The following BOD1L1 variants were observed in gnomAD, a reference collection of about 807,000 sequenced individuals.
The protein encoded by BOD1L1 is biorientation of chromosomes in cell division 1 like 1.
A neutral mutation model predicts 240.7 loss-of-function variants in BOD1L1; 86 were observed. The observed-to-expected ratio is 0.36, with a 90% CI of 0.30 to 0.43. The LOEUF is 0.43. Among genes scored for constraint, BOD1L1 ranks in the 20% least tolerant of loss-of-function variants. The pLI is 1.00. For missense variants in BOD1L1, 3,554 were observed against 3,643.5 expected (o/e 0.98, Z 0.63); for synonymous variants, 1,268 against 1,272.3 (o/e 1.00, Z 0.07).
rs111943588 is a variant in BOD1L1 at position 13,603,996 on chromosome 4, A to T, written c.2904T>A (p.Thr968=). The T allele has an allele frequency of 3.1e-6, 5 of 1,613,788 alleles. No homozygotes were observed. In the African/African-American group the frequency reaches 4.0e-5, roughly 13 times the overall value. The part of the protein sequence containing the change: ...SKVEDKPFEE[T]GVEPVLETAS... ...CAGTCTCTAATACAGGTTCAACACC[A>T]GTTTCTTCAAAAGGTTTGTCTTCAA... The change falls in exon 10 of 26, where the codon ACT becomes ACA. Residue 968 remains threonine (T), a synonymous_variant. Transcript: ENST00000040738.
rs1368162330 is a variant in BOD1L1, at chr4:13,573,462, ATCTATCTATCTTTCTT to A, written c.9039-3350_9039-3335del. 3.3e-4 allele frequency among the ~76,000 whole-genome samples: 48 copies of A among 144,050 alleles called. 1 individual carries two copies. The highest frequency in any genetic ancestry group is 5.6e-4 in the Non-Finnish European group (37 of 65,606). The allele number at this position is 144,050 out of a possible 152,430, so 94.5% of individuals were successfully genotyped here. A position where few individuals can be genotyped will look rare whatever the true frequency, so the allele number is the denominator to read the frequency against. The stretch of plus-strand genomic sequence containing the variant: ...TGTCTGTCTATCTATCTATCTATCT[ATCTATCTATCTTTCTT>A]TCTTTCTTTCTTTCTTTTGAGAAAG... On this transcript the variant is annotated intron_variant, in intron 25 of 25. Transcript: ENST00000040738.
chr4:13,619,242 G>A (rs546495793), intron 2 of BOD1L1, among the ~76,000 whole-genome samples: 2 of 150,696 alleles, frequency 1.3e-5, no homozygotes, highest in East Asian at 2.0e-4. Flanking sequence ...CCAGGAGATT[G>A]AGGCTGCAGC....
chr4:13,601,704 T>A lies in BOD1L1; in HGVS notation c.5196A>T (p.Ala1732=). The A allele has an allele frequency of 6.2e-7, 1 of 1,614,042 alleles. No individual in the cohort carries two copies. The stretch of plus-strand genomic sequence containing the variant: ...TCACAAAGTTATCACTTCTGCCTTC[T>A]GCTCCTGTACATGTCACAGTGCCCT... The part of the protein sequence containing the change: ...ETEGTVTCTG[A]EGRSDNFVIC... Residue 1732 remains alanine (A), a synonymous_variant, in exon 10 of 26, where the codon GCA becomes GCT. Coordinates refer to ENST00000040738, the MANE Select transcript of BOD1L1 (RefSeq NM_148894.3).
In BOD1L1 at chr4:13,569,940, A is replaced by G; in HGVS notation, c.*71T>C. 1.7e-6 allele frequency: 2 copies of G among 1,157,366 alleles called. No individual in the cohort carries two copies. The highest frequency in any genetic ancestry group is 2.0e-5 in the South Asian group (1 of 50,908). 71.7% of individuals were successfully genotyped at this position (1,157,366 alleles called of 1,614,324 possible). A position where few individuals can be genotyped will look rare whatever the true frequency, so the allele number is the denominator to read the frequency against. On this transcript the variant is annotated 3_prime_UTR_variant, in exon 26 of 26. Coordinates refer to ENST00000040738, the MANE Select transcript of BOD1L1 (RefSeq NM_148894.3). Reference sequence around the variant, plus strand: ...CTTTTTCCTGGTTAAAGAGAAGCCTATGGCCACCAAGGCATGTCTCTTTCC... The same window carrying G: ...CTTTTTCCTGGTTAAAGAGAAGCCTGTGGCCACCAAGGCATGTCTCTTTCC...
At chr4:13,611,919 A>C (rs1456142651) in intron 5 of BOD1L1, among the ~76,000 whole-genome samples, 3 of 152,208 alleles carry the variant, frequency 2.0e-5, no homozygotes, top group African/African-American at 7.2e-5. Flanking sequence ...CAAGGTTTTC[A>C]CTTCCTACCA....
At chr4:13,574,866 C>T (rs943523992) in intron 25 of BOD1L1, among the ~76,000 whole-genome samples, 8 of 151,912 alleles carry the variant, frequency 5.3e-5, no homozygotes, top group African/African-American at 1.9e-4. Flanking sequence ...ATGGCTAATA[C>T]TGTGTTAAGT....
In BOD1L1 at chr4:13,613,694, AT is replaced by A; in HGVS notation, c.1175-34del. 4 of 1,469,528 alleles carry A rather than the reference AT, an allele frequency of 2.7e-6. No individual in the cohort carries two copies. Among genetic ancestry groups the A allele is most frequent in the South Asian group, 1.5e-5 (1 of 68,478 alleles). The allele number at this position is 1,469,528 out of a possible 1,614,324, so 91.0% of individuals were successfully genotyped here. A position where few individuals can be genotyped will look rare whatever the true frequency, so the allele number is the denominator to read the frequency against. ...CGGAAAATAAAACACAGAAAAAAAAATCATCTTATTATAAGAACATACTCAG... is the reference window on the plus strand; with the variant it reads ...CGGAAAATAAAACACAGAAAAAAAAACATCTTATTATAAGAACATACTCAG... On this transcript the variant is annotated intron_variant, in intron 4 of 25. Coordinates refer to ENST00000040738, the MANE Select transcript of BOD1L1 (RefSeq NM_148894.3). The surrounding 1 kb of genome is among the most constrained non-coding windows in gnomAD (Gnocchi z 4.0).
chr4:13,571,523 C>T (rs28675956), intron 25 of BOD1L1, among the ~76,000 whole-genome samples: 1,995 of 152,270 alleles, frequency 0.013, 45 homozygotes, highest in African/African-American at 0.046. Flanking sequence ...GTAAAGGTGC[C>T]GTGCGCAGTA....
intron 8 of BOD1L1, 100 bp downstream of exon 8, chr4:13,608,430 C>T: frequency 1.8e-6 from 2 of 1,125,996 alleles, no homozygotes; most frequent in East Asian, 3.0e-5. Context: ...CAGTAACATA[C>T]ACAACCAAAG....
intron 17 of BOD1L1, 66 bp from the exon 18 acceptor site, chr4:13,582,802 C>T: frequency 9.1e-7 from 1 of 1,101,394 alleles, no homozygotes; most frequent in East Asian, 2.4e-5. Flanking sequence ...TCATCCTCCC[C>T]ACACAAGTTT....
At chr4:13,581,867 A>G (rs1373819460) in intron 19 of BOD1L1, among the ~76,000 whole-genome samples, 1 of 151,974 alleles carries the variant, frequency 6.6e-6, no homozygotes, top group African/African-American at 2.4e-5. Flanking sequence ...TGCTGTTCCT[A>G]TTTCATCCTA....
chr4:13,577,710 T>C, intron 22 of BOD1L1, 79 bp from the exon 23 acceptor site: 1 of 1,055,228 alleles, frequency 9.5e-7, no homozygotes, highest in South Asian at 1.5e-5. Context: ...GGCTTGTCTG[T>C]CAATGTATCA....
chr4:13,622,956 T>G (rs1180828352), intron 1 of BOD1L1, among the ~76,000 whole-genome samples: 1 of 152,198 alleles, frequency 6.6e-6, no homozygotes, highest in Non-Finnish European at 1.5e-5. Flanking sequence ...CTCTTGTCAC[T>G]TTCCCCTTAG....
Position 13,608,530 on chromosome 4 carries a change from C to A in BOD1L1, c.1742G>T (p.Arg581Met). The change falls in exon 8 of 26, where the codon AGG (arginine) becomes ATG (methionine). Residue 581 changes from arginine to methionine, a missense_variant and splice_region_variant. Physicochemically the swap from Arg to Met is moderately conservative, Grantham distance 91 (BLOSUM62 -1). Transcript: ENST00000040738. ...AAACATGACCAGATAAAATATGTAC[C>A]TTGAATCTTTTTTTCTCTTTTTGCT... Reference protein sequence around the residue: ...ALSKKRKKDSRNVEENSKKKQ... With the variant: ...ALSKKRKKDSMNVEENSKKKQ... The A allele has an allele frequency of 6.5e-7, 1 of 1,534,682 alleles. No homozygotes were observed. The highest frequency in any genetic ancestry group is 8.7e-7 in the Non-Finnish European group (1 of 1,144,870).
At chr4:13,609,628 A>G (rs1398493817) in intron 6 of BOD1L1, among the ~76,000 whole-genome samples, 1 of 152,188 alleles carries the variant, frequency 6.6e-6, no homozygotes, top group Non-Finnish European at 1.5e-5. Context: ...AGAATAGAAG[A>G]AACAGATGTG....
intron 7 of BOD1L1, among the ~76,000 whole-genome samples, 190 bp from the exon 8 acceptor site, chr4:13,608,858 AGTGT>A (rs1484403477): frequency 6.6e-6 from 1 of 152,160 alleles, no homozygotes; most frequent in Non-Finnish European, 1.5e-5. Flanking sequence ...TGATCACATA[AGTGT>A]GTGTATGTGT....
intron 2 of BOD1L1, among the ~76,000 whole-genome samples, chr4:13,615,765 C>T (rs895485615): frequency 6.6e-6 from 1 of 152,008 alleles, no homozygotes; most frequent in African/African-American, 2.4e-5. Flanking sequence ...AACAAAACAC[C>T]CTTAGAACTA....
chr4:13,601,307 C>G lies in BOD1L1; in HGVS notation c.5593G>C (p.Glu1865Gln). Reference protein sequence around the residue: ...VTSTGAKEEDEEGEDVVTSTG... With the variant: ...VTSTGAKEEDQEGEDVVTSTG... Reference sequence around the variant, plus strand: ...CTAGTCACAACATCCTCCCCTTCCTCGTCTTCCTCTTTTGCGCCTGTGCTA... The same window carrying G: ...CTAGTCACAACATCCTCCCCTTCCTGGTCTTCCTCTTTTGCGCCTGTGCTA... Residue 1865 changes from glutamate (E) to glutamine (Q), a missense_variant, in exon 10 of 26, where the codon GAG (glutamate) becomes CAG (glutamine). Around this residue, in one of 2 missense-constraint regions of BOD1L1, gnomAD observed 3,393 missense variants for 3,427.1 expected, o/e 0.99. Transcript: ENST00000040738. 1 of 1,614,004 alleles carries G rather than the reference C, an allele frequency of 6.2e-7. No individual in the cohort carries two copies. The highest frequency in any genetic ancestry group is 8.5e-7 in the Non-Finnish European group (1 of 1,179,894).
Position 13,569,969 on chromosome 4 carries a change from C to A in BOD1L1, c.*42G>T. 7.1e-7 allele frequency: 1 copy of A among 1,417,866 alleles called. No homozygotes were observed. The allele number at this position is 1,417,866 out of a possible 1,614,324, so 87.8% of individuals were successfully genotyped here. On this transcript the variant is annotated 3_prime_UTR_variant, in exon 26 of 26. Coordinates refer to ENST00000040738, the MANE Select transcript of BOD1L1 (RefSeq NM_148894.3). ...CCACCAAGGCATGTCTCTTTCCTCT[C>A]CACCGTGTTCCTCCATAAGCCTAGG...
Sources: allele counts gnomAD v4.1 joint callset (sites outside exome capture counted in the v4.1 genomes callset), GRCh38; gene constraint gnomAD v4.1.1; regional missense constraint gnomAD v4.1.1; non-coding constraint Gnocchi (gnomAD v3.1); transcripts MANE v1.5; gene names NCBI Gene and HGNC (gene_info 2026-07-23, HGNC 2026-07-21).